Variants in IQCJ observed in about 807,000 individuals in gnomAD.
IQCJ encodes the protein IQ domain-containing protein J.
IQCJ carries 9 observed loss-of-function variants against 11.0 expected under a neutral mutation model. The observed-to-expected ratio is 0.82, with a 90% CI of 0.49 to 1.43. The LOEUF is 1.43. Ranked by LOEUF, IQCJ falls within the 40% of genes most tolerant of loss-of-function variation. IQCJ has a pLI of 0.00. For missense variants in IQCJ, 146 were observed against 133.2 expected (o/e 1.10, Z -0.47); for synonymous variants, 55 against 51.3 (o/e 1.07, Z -0.31).
At chr3:159,229,872 G>C (rs1366453691) in intron 1 of IQCJ, among the ~76,000 whole-genome samples, 1 of 83,740 alleles carries the variant, frequency 1.2e-5, no homozygotes, top group Non-Finnish European at 2.3e-5. Context: ...TCCTTTTTCC[G>C]GGTTAAAATT....
At chr3:159,114,531 G>A (rs908995233) in intron 1 of IQCJ, among the ~76,000 whole-genome samples, 4 of 130,248 alleles carry the variant, frequency 3.1e-5, no homozygotes, top group South Asian at 2.6e-4. Context: ...GGCTGGTCTC[G>A]AACTCCTGAC....
chr3:159,091,092 G>A (rs772574249), intron 1 of IQCJ, among the ~76,000 whole-genome samples: 1 of 151,004 alleles, frequency 6.6e-6, no homozygotes, highest in African/African-American at 2.5e-5. Context: ...TTTTCTTAGG[G>A]CCTTTTTTTT....
intron 1 of IQCJ, among the ~76,000 whole-genome samples, chr3:159,155,153 G>GTTAT (rs757753875): frequency 2.0e-4 from 31 of 151,340 alleles, no homozygotes; most frequent in South Asian, 4.2e-4. Flanking sequence ...GCAGCAACCA[G>GTTAT]TTATTTATTT....
intron 1 of IQCJ, among the ~76,000 whole-genome samples, chr3:159,236,179 C>T (rs918564362): frequency 3.4e-5 from 5 of 145,746 alleles, no homozygotes; most frequent in African/African-American, 1.3e-4. Flanking sequence ...TGTTTAGCTG[C>T]AAGGTAACTT....
intron 1 of IQCJ, among the ~76,000 whole-genome samples, chr3:159,110,083 A>G (rs1718530910): frequency 6.6e-6 from 1 of 152,118 alleles, no homozygotes; most frequent in African/African-American, 2.4e-5. Context: ...ATATCAGACT[A>G]TTTATAGCTT....
chr3:159,197,850 A>G lies in IQCJ; in HGVS notation c.10-47993A>G, dbSNP rs553642127. Among the ~76,000 whole-genome samples, 6 of 152,158 alleles carry G rather than the reference A, an allele frequency of 3.9e-5. No homozygotes were observed. The South Asian group carries it at 1.2e-3, about 32-fold the overall frequency. ...TTTCCTGTTTTTTTTTTTAATCAGA[A>G]GCAAGAAATTCAATTTTAATATGAT... On this transcript the variant is annotated intron_variant, in intron 1 of 3. Coordinates refer to ENST00000397832, the MANE Select transcript of IQCJ (RefSeq NM_001042706.3).
At chr3:159,229,069 CCA>C (rs1251706695) in intron 1 of IQCJ, among the ~76,000 whole-genome samples, 2 of 152,138 alleles carry the variant, frequency 1.3e-5, no homozygotes, top group African/African-American at 2.4e-5. Flanking sequence ...GCAGATTTGG[CCA>C]CAGTCTTTTG....
At chr3:159,162,007 G>T (rs1413640963) in intron 1 of IQCJ, among the ~76,000 whole-genome samples, 1 of 152,154 alleles carries the variant, frequency 6.6e-6, no homozygotes, top group East Asian at 1.9e-4. Flanking sequence ...TTGACTTGGC[G>T]ACACGGGCTC....
chr3:159,087,348 A>G (rs1250192973), intron 1 of IQCJ, among the ~76,000 whole-genome samples: 1 of 149,688 alleles, frequency 6.7e-6, no homozygotes, highest in Non-Finnish European at 1.5e-5. Context: ...TTTTGCATCA[A>G]TGTTCATCAA....
chr3:159,167,240 T>G (rs969411033), intron 1 of IQCJ, among the ~76,000 whole-genome samples: 1 of 152,124 alleles, frequency 6.6e-6, no homozygotes, highest in Non-Finnish European at 1.5e-5. Context: ...ATAACATGAG[T>G]TTTCATAGTC....
chr3:159,233,092 ACT>A (rs1424887579), intron 1 of IQCJ, among the ~76,000 whole-genome samples: 1 of 151,646 alleles, frequency 6.6e-6, no homozygotes, highest in East Asian at 1.9e-4. Flanking sequence ...TTTTTAAAAG[ACT>A]CTCTTATCGA....
intron 1 of IQCJ, among the ~76,000 whole-genome samples, chr3:159,234,459 A>G (rs1726454388): frequency 6.6e-6 from 1 of 152,142 alleles, no homozygotes; most frequent in African/African-American, 2.4e-5. Flanking sequence ...TTAATCCCGA[A>G]GATTGTTTTT....
At chr3:159,173,099 A>G (rs1722585099) in intron 1 of IQCJ, among the ~76,000 whole-genome samples, 1 of 152,182 alleles carries the variant, frequency 6.6e-6, no homozygotes, top group Non-Finnish European at 1.5e-5. Context: ...CCTTTTTATT[A>G]CTAGATTGCC....
chr3:159,132,162 T>C (rs956736127), intron 1 of IQCJ, among the ~76,000 whole-genome samples: 1 of 152,206 alleles, frequency 6.6e-6, no homozygotes, highest in Non-Finnish European at 1.5e-5. Flanking sequence ...CTGTTTTCAG[T>C]TGAGAAGGTC....
At chr3:159,142,772 A>G (rs916858861) in intron 1 of IQCJ, among the ~76,000 whole-genome samples, 4 of 152,150 alleles carry the variant, frequency 2.6e-5, no homozygotes, top group Admixed American at 1.3e-4. Flanking sequence ...GTAATGCCAA[A>G]TTATGGCCCA....
chr3:159,194,988 G>GT (rs1245354727), intron 1 of IQCJ, among the ~76,000 whole-genome samples: 2 of 152,112 alleles, frequency 1.3e-5, no homozygotes, highest in African/African-American at 4.8e-5. Context: ...GCATGAGCCT[G>GT]TAATCCCAGC....
chr3:159,182,698 T>C (rs1317532874), intron 1 of IQCJ, among the ~76,000 whole-genome samples: 4 of 151,882 alleles, frequency 2.6e-5, no homozygotes, highest in Non-Finnish European at 5.9e-5. Flanking sequence ...AAACAGGATA[T>C]CTTCACAGTG....
chr3:159,101,206 A>C (rs1392480249), intron 1 of IQCJ, among the ~76,000 whole-genome samples: 2 of 126,734 alleles, frequency 1.6e-5, no homozygotes, highest in Non-Finnish European at 3.3e-5. Context: ...CAGGTGAGGC[A>C]ATGCCTCGCC....
chr3:159,213,611 C>T (rs1214681270), intron 1 of IQCJ, among the ~76,000 whole-genome samples: 1 of 151,744 alleles, frequency 6.6e-6, no homozygotes, highest in African/African-American at 2.4e-5. Flanking sequence ...TTCATGCCTT[C>T]TACTTTCTGG....
Sources: gnomAD v4.1 joint callset for allele counts (sites outside exome capture counted in the v4.1 genomes callset) on GRCh38, gnomAD v4.1.1 for gene constraint, MANE v1.5 for transcripts, NCBI Gene and HGNC (gene_info 2026-07-23, HGNC 2026-07-21) for gene names.